Variants in NAALADL2 observed in about 807,000 individuals in gnomAD.
NAALADL2 encodes N-acetylated alpha-linked acidic dipeptidase like 2.
A neutral mutation model predicts 87.2 loss-of-function variants in NAALADL2; 76 were observed. The observed-to-expected ratio is 0.87, with a 90% CI of 0.72 to 1.05. NAALADL2 has a LOEUF of 1.05. Among genes scored for constraint, NAALADL2 ranks in the 50% least tolerant of loss-of-function variants. The pLI, the probability that NAALADL2 is intolerant of heterozygous loss-of-function variation, is 0.00. For synonymous variants in NAALADL2, 354 were observed against 331.0 expected, an observed-to-expected ratio of 1.07 and a Z score of -0.75; for missense variants, 1,089 against 945.8, an observed-to-expected ratio of 1.15 and a Z score of -1.99.
chr3:174,867,348 G>A (rs1351368110), intron 1 of NAALADL2, among the ~76,000 whole-genome samples: 1 of 151,848 alleles, frequency 6.6e-6, no homozygotes, highest in African/African-American at 2.4e-5. Context: ...TTGTCAATCA[G>A]TTATCAGATT....
intron 6 of NAALADL2, among the ~76,000 whole-genome samples, chr3:175,459,071 A>G (rs1339852730): frequency 6.6e-6 from 1 of 152,086 alleles, no homozygotes; most frequent in Non-Finnish European, 1.5e-5. Flanking sequence ...ATGCTGGACC[A>G]CAGGCCAAAA....
At chr3:175,342,488 G>A (rs1274202835) in intron 5 of NAALADL2, among the ~76,000 whole-genome samples, 1 of 148,990 alleles carries the variant, frequency 6.7e-6, no homozygotes, top group African/African-American at 2.6e-5. Flanking sequence ...CTCCCTCCTG[G>A]CATTTGCCAA....
At chr3:175,242,249 C>T (rs540114595) in intron 3 of NAALADL2, 4 of 152,058 alleles carry the variant, frequency 2.6e-5, no homozygotes, top group African/African-American at 4.8e-5. Flanking sequence ...CCAGTGTTTT[C>T]GTTTTTATTT....
chr3:175,091,295 T>G (rs1720079344), intron 1 of NAALADL2, among the ~76,000 whole-genome samples: 1 of 152,112 alleles, frequency 6.6e-6, no homozygotes, highest in Non-Finnish European at 1.5e-5. Context: ...GATGATGCCC[T>G]GACATTTCTA....
chr3:175,684,088 T>C (rs1433578077), intron 11 of NAALADL2, among the ~76,000 whole-genome samples: 7 of 151,860 alleles, frequency 4.6e-5, no homozygotes, highest in Admixed American at 4.6e-4. Context: ...AGTACTTTTG[T>C]AAAGGAGATG....
At chr3:175,769,787 G>A (rs1749240478) in intron 13 of NAALADL2, among the ~76,000 whole-genome samples, 1 of 152,002 alleles carries the variant, frequency 6.6e-6, no homozygotes, top group Non-Finnish European at 1.5e-5. Flanking sequence ...TAAGGAACTG[G>A]TTCATATGAA....
At chr3:174,483,515 T>C (rs552873443) in intron 1 of NAALADL2, among the ~76,000 whole-genome samples, 1 of 151,948 alleles carries the variant, frequency 6.6e-6, no homozygotes, top group African/African-American at 2.4e-5. Flanking sequence ...GATTATGAGG[T>C]TTACAATTCA....
intron 3 of NAALADL2, among the ~76,000 whole-genome samples, chr3:174,743,424 A>G (rs915516997): frequency 1.3e-5 from 2 of 151,846 alleles, no homozygotes; most frequent in Non-Finnish European, 3.0e-5. Context: ...TTGGATTCCA[A>G]ATAAAATTAT....
intron 2 of NAALADL2, among the ~76,000 whole-genome samples, chr3:174,684,743 GA>G (rs981332620): frequency 1.3e-5 from 2 of 152,042 alleles, no homozygotes; most frequent in African/African-American, 4.8e-5. Flanking sequence ...TTAAAATTCA[GA>G]AGAGTTTTCT....
intron 5 of NAALADL2, among the ~76,000 whole-genome samples, chr3:175,346,200 A>G (rs1439536537): frequency 6.6e-6 from 1 of 152,184 alleles, no homozygotes; most frequent in Admixed American, 6.5e-5. Flanking sequence ...CAAAAATATG[A>G]ATAAAAGAAG....
At chr3:175,428,937 C>T (rs1347581204) in intron 5 of NAALADL2, among the ~76,000 whole-genome samples, 1 of 151,806 alleles carries the variant, frequency 6.6e-6, no homozygotes, top group Non-Finnish European at 1.5e-5. Flanking sequence ...TGTTTTAGAA[C>T]CTAACAGTTT....
intron 1 of NAALADL2, among the ~76,000 whole-genome samples, chr3:174,490,643 T>C (rs997051061): frequency 2.6e-5 from 4 of 152,050 alleles, no homozygotes; most frequent in Admixed American, 2.6e-4. Flanking sequence ...TCAAAACAAA[T>C]GGAGCGTGTA....
chr3:174,929,193 C>A (rs187798674), intron 1 of NAALADL2, among the ~76,000 whole-genome samples: 5 of 152,080 alleles, frequency 3.3e-5, no homozygotes, highest in African/African-American at 1.2e-4. Context: ...TATAGGAATA[C>A]GTGGAGCAGA....
intron 2 of NAALADL2, among the ~76,000 whole-genome samples, chr3:174,560,017 T>C (rs969515986): frequency 6.6e-6 from 1 of 152,242 alleles, no homozygotes; most frequent in African/African-American, 2.4e-5. Flanking sequence ...AATAGGAAGA[T>C]GTACTATATA....
At chr3:174,524,491 T>C (rs1720546895) in intron 1 of NAALADL2, among the ~76,000 whole-genome samples, 1 of 152,132 alleles carries the variant, frequency 6.6e-6, no homozygotes, top group Non-Finnish European at 1.5e-5. Flanking sequence ...TTAATACACC[T>C]TATGTAACAA....
intron 10 of NAALADL2, among the ~76,000 whole-genome samples, chr3:175,604,394 C>G (rs534938001): frequency 2.6e-4 from 40 of 151,166 alleles, no homozygotes; most frequent in African/African-American, 9.3e-4. Flanking sequence ...AGCTCCGCCT[C>G]CCGGGTTCAC....
intron 2 of NAALADL2, among the ~76,000 whole-genome samples, chr3:174,717,044 A>AT (rs1305764999): frequency 7.2e-5 from 11 of 152,244 alleles, no homozygotes; most frequent in African/African-American, 2.6e-4. Flanking sequence ...ACTTCAGTAC[A>AT]TTTGTTTTTG....
intron 4 of NAALADL2, among the ~76,000 whole-genome samples, chr3:175,258,439 A>G (rs914488918): frequency 6.6e-6 from 1 of 151,428 alleles, no homozygotes; most frequent in Non-Finnish European, 1.5e-5. Flanking sequence ...GAGTGGTGGG[A>G]GCTAGAATAC....
upstream of NAALADL2, chr3:174,859,242 T>C (rs973752148): frequency 3.3e-6 from 2 of 604,646 alleles, no homozygotes; most frequent in African/African-American, 3.7e-5. Flanking sequence ...GTAAAACAGG[T>C]CCTGCAAGCC....
Sources: allele counts gnomAD v4.1 joint callset (sites outside exome capture counted in the v4.1 genomes callset), GRCh38; gene constraint gnomAD v4.1.1; transcripts MANE v1.5; gene names NCBI Gene and HGNC (gene_info 2026-07-23, HGNC 2026-07-21).